The following ZNF578 variants were observed in gnomAD, a reference collection of about 807,000 sequenced individuals.
ZNF578 encodes zinc finger protein 578, also known as Putative chemokine-related protein B42.
In ZNF578, 8 loss-of-function variants were observed where a neutral mutation model predicts 8.3. That is an observed-to-expected ratio of 0.96 (90% CI 0.56 to 1.74). ZNF578 has a LOEUF of 1.74. Among genes scored for constraint, ZNF578 ranks in the 40% most tolerant of loss-of-function variants. The pLI is 0.00. For synonymous variants in ZNF578, 206 were observed against 232.2 expected (o/e 0.89, Z 1.03); for missense variants, 726 against 707.5 (o/e 1.03, Z -0.30).
At chr19:52,497,687 T>G (rs1221159839) in intron 3 of ZNF578, among the ~76,000 whole-genome samples, 1 of 152,248 alleles carries the variant, frequency 6.6e-6, no homozygotes, top group Non-Finnish European at 1.5e-5. Flanking sequence ...CGAAAACATT[T>G]TCTACTATGT....
In ZNF578 at chr19:52,511,331, G is replaced by T; in HGVS notation, c.950G>T (p.Cys317Phe). Residue 317 changes from cysteine to phenylalanine, a missense_variant, in exon 6 of 6, where the codon TGT (cysteine) becomes TTT (phenylalanine). Transcript: ENST00000421239. ...CACACTGGTGAGAAACCTTACAAGT[G>T]TAATGAATGTGGAAAGTCCTTCAGT... The part of the protein sequence containing the change: ...RCHTGEKPYK[C>F]NECGKSFSYK... 6.2e-7 allele frequency: 1 copy of T among 1,614,064 alleles called. No homozygotes were observed. The highest frequency in any genetic ancestry group is 8.5e-7 in the Non-Finnish European group (1 of 1,179,952).
At chr19:52,479,448 T>C (rs2059318477) in intron 2 of ZNF578, among the ~76,000 whole-genome samples, 1 of 144,806 alleles carries the variant, frequency 6.9e-6, no homozygotes, top group African/African-American at 2.6e-5. Flanking sequence ...GGCAGGAGAA[T>C]GGTGAGAACC....
At chr19:52,470,169 A>AT (rs1568456862) in intron 2 of ZNF578, among the ~76,000 whole-genome samples, 1 of 152,090 alleles carries the variant, frequency 6.6e-6, no homozygotes, top group East Asian at 1.9e-4. Flanking sequence ...TTCTGAGGAC[A>AT]TTCACCATGC....
At chr19:52,477,472 C>T (rs999175874) in intron 2 of ZNF578, among the ~76,000 whole-genome samples, 1 of 152,214 alleles carries the variant, frequency 6.6e-6, no homozygotes, top group Non-Finnish European at 1.5e-5. Flanking sequence ...GGACAGAGTC[C>T]TGGCATTTTT....
At chr19:52,459,713 A>ATGTGTGTATATATATGTGTGTGTG (rs1187045005) in intron 2 of ZNF578, among the ~76,000 whole-genome samples, 9 of 18,240 alleles carry the variant, frequency 4.9e-4, no homozygotes, top group Admixed American at 3.4e-3. Context: ...ATATGTAGAT[A>ATGTGTGTATATATATGTGTGTGTG]TGTGTGTGTG....
At chr19:52,458,360 G>C (rs1210211580) in intron 2 of ZNF578, 2 of 149,660 alleles carry the variant, frequency 1.3e-5, no homozygotes. Flanking sequence ...TATTTTCTTA[G>C]ATCTCTCAAG....
intron 3 of ZNF578, among the ~76,000 whole-genome samples, chr19:52,494,304 TAGTG>T (rs2059377963): frequency 6.6e-6 from 1 of 150,596 alleles, no homozygotes; most frequent in Admixed American, 6.6e-5. Flanking sequence ...CTAGGCAAAA[TAGTG>T]AGACCCGCCA....
intron 2 of ZNF578, among the ~76,000 whole-genome samples, chr19:52,488,477 CG>C (rs2059353398): frequency 6.6e-6 from 1 of 151,890 alleles, no homozygotes; most frequent in Non-Finnish European, 1.5e-5. Context: ...GGCGTGGTGG[CG>C]GGCTCCTGTA....
chr19:52,513,151 G>A lies in ZNF578; in HGVS notation c.*997G>A, dbSNP rs2059456406. On this transcript the variant is annotated 3_prime_UTR_variant, in exon 6 of 6. Transcript: ENST00000421239. ...TTCCTCTGCCTCAGCCTCCCTAGTT[G>A]CTGGGATTACAGGTATATGCCACGA... Among the ~76,000 whole-genome samples the A allele has an allele frequency of 6.6e-6, 1 of 151,960 alleles. No individual in the cohort carries two copies.
At chr19:52,481,690 A>G (rs1309819119) in intron 2 of ZNF578, among the ~76,000 whole-genome samples, 1 of 152,058 alleles carries the variant, frequency 6.6e-6, no homozygotes, top group East Asian at 1.9e-4. Context: ...TGGGGAAGTG[A>G]AGTGGGAGAA....
Position 52,511,454 on chromosome 19 carries a change from T to G in ZNF578, c.1073T>G (p.Leu358Arg). The change falls in exon 6 of 6, where the codon CTT becomes CGT. Residue 358 changes from leucine to arginine, a missense_variant. Leu to Arg is a moderately radical substitution (Grantham distance 102). Coordinates refer to ENST00000421239, the MANE Select transcript of ZNF578 (RefSeq NM_001099694.2). ...AAGTCCTTCAGTTACAAGTCATCCC[T>G]TAGATGCCATCGTAGACTTCATACT... ...CGKSFSYKSSLRCHRRLHTGI... is the reference protein window; with the variant it reads ...CGKSFSYKSSRRCHRRLHTGI... 6.2e-7 allele frequency: 1 copy of G among 1,614,222 alleles called. No individual in the cohort carries two copies. Among genetic ancestry groups the G allele is most frequent in the Non-Finnish European group, 8.5e-7 (1 of 1,180,030 alleles).
intron 2 of ZNF578, among the ~76,000 whole-genome samples, chr19:52,459,713 A>ATGTGTGTATATATGTGTGTGTGTGTGTG (rs1187045005): frequency 2.2e-4 from 4 of 18,240 alleles, no homozygotes; most frequent in African/African-American, 5.7e-4. Context: ...ATATGTAGAT[A>ATGTGTGTATATATGTGTGTGTGTGTGTG]TGTGTGTGTG....
At chr19:52,505,721 G>C (rs2059423393) in intron 5 of ZNF578, among the ~76,000 whole-genome samples, 1 of 152,114 alleles carries the variant, frequency 6.6e-6, no homozygotes, top group South Asian at 2.1e-4. Context: ...ACTGCGCCTG[G>C]CCCATTGTTC....
chr19:52,479,411 C>T (rs1599892037), intron 2 of ZNF578, among the ~76,000 whole-genome samples: 1 of 151,628 alleles, frequency 6.6e-6, no homozygotes, highest in Non-Finnish European at 1.5e-5. Flanking sequence ...GGCGGGCGCC[C>T]GAAGTCCCAC....
intron 2 of ZNF578, 86 bp from the exon 3 acceptor site, chr19:52,491,238 A>ATT: frequency 6.2e-6 from 1 of 161,934 alleles, no homozygotes. Context: ...TAAAATAAGT[A>ATT]TTTTTTTGTG....
rs6146551 is a variant in ZNF578 at position 52,458,468 on chromosome 19, T to TTATATATATATATATATATATATATATA, written c.-122+1525_-122+1526insATATATATATATATATATATATATATAT. 4.0e-3 allele frequency: 486 copies of TTATATATATATATATATATATATATATA among 121,598 alleles called. 29 individuals carry two copies. Among genetic ancestry groups the TTATATATATATATATATATATATATATA allele is most frequent in the African/African-American group, 0.018 (443 of 25,142 alleles). 7.5% of individuals were successfully genotyped at this position (121,598 alleles called of 1,614,324 possible). A position where few individuals can be genotyped will look rare whatever the true frequency, so the allele number is the denominator to read the frequency against. ...AAAAAACAACAACTTGCTACTATGTTTATATATATATATATTTTGAAAATC... is the reference window on the plus strand; with the variant it reads ...AAAAAACAACAACTTGCTACTATGTTTATATATATATATATATATATATATATATATATATATATATATTTTGAAAATC... On this transcript the variant is annotated intron_variant, in intron 2 of 5. Coordinates refer to ENST00000421239, the MANE Select transcript of ZNF578 (RefSeq NM_001099694.2).
rs780797865 is a variant in ZNF578 at position 52,510,677 on chromosome 19, G to A, written c.296G>A (p.Gly99Glu). The A allele has an allele frequency of 1.2e-6, 2 of 1,613,382 alleles. No individual in the cohort carries two copies. Among genetic ancestry groups the A allele is most frequent in the Admixed American group, 1.7e-5 (1 of 59,888 alleles). Residue 99 changes from glycine (G) to glutamate (E), a missense_variant, in exon 6 of 6, where the codon GGA becomes GAA. Coordinates refer to ENST00000421239, the MANE Select transcript of ZNF578 (RefSeq NM_001099694.2). ...MLQRHESYHT[G>E]DFCFQEIEKD... ...CAAAGACATGAAAGTTATCACACTGGAGATTTTTGCTTCCAGGAAATTGAA... is the reference window on the plus strand; with the variant it reads ...CAAAGACATGAAAGTTATCACACTGAAGATTTTTGCTTCCAGGAAATTGAA...
At chr19:52,486,490 A>G (rs2059346294) in intron 2 of ZNF578, among the ~76,000 whole-genome samples, 1 of 152,188 alleles carries the variant, frequency 6.6e-6, no homozygotes, top group African/African-American at 2.4e-5. Flanking sequence ...AAGCAGGAGG[A>G]CAAAAGGAAC....
chr19:52,492,512 A>C (rs1391651774), intron 3 of ZNF578, among the ~76,000 whole-genome samples: 2 of 152,238 alleles, frequency 1.3e-5, no homozygotes, highest in Non-Finnish European at 2.9e-5. Flanking sequence ...GTGGGCCATC[A>C]GCATGAAATC....
Sources: gnomAD v4.1 joint callset for allele counts (sites outside exome capture counted in the v4.1 genomes callset) on GRCh38, gnomAD v4.1.1 for gene constraint, MANE v1.5 for transcripts, NCBI Gene and HGNC (gene_info 2026-07-23, HGNC 2026-07-21) for gene names.